The following BMI1 variants were observed in gnomAD, a reference collection of about 807,000 sequenced individuals.
The protein encoded by BMI1 is BMI1 proto-oncogene, polycomb ring finger, also known as polycomb complex protein BMI-1.
Under a neutral mutation model 39.1 loss-of-function variants are expected in BMI1, and 9 were observed. The ratio of observed to expected loss-of-function variants is 0.23; its 90% CI spans 0.14 to 0.40. The LOEUF (loss-of-function observed/expected upper bound fraction) is 0.40. BMI1 is among the 10% of genes least tolerant of loss of function. BMI1 has a pLI of 1.00. For missense variants in BMI1, 252 were observed against 390.8 expected (o/e 0.64, Z 2.99); for synonymous variants, 131 against 127.9 (o/e 1.02, Z -0.16).
In BMI1 at chr10:22,329,554, G is replaced by C; in HGVS notation, c.*12G>C. 6.2e-7 allele frequency: 1 copy of C among 1,604,832 alleles called. No individual in the cohort carries two copies. The highest frequency in any genetic ancestry group is 8.5e-7 in the Non-Finnish European group (1 of 1,175,670). ...CTTCTTCTGGTTGATACCTGAGACTGTTAAGGAAAAAAATTTTAAACCCCT... is the reference window on the plus strand; with the variant it reads ...CTTCTTCTGGTTGATACCTGAGACTCTTAAGGAAAAAAATTTTAAACCCCT... On this transcript the variant is annotated 3_prime_UTR_variant, in exon 10 of 10. Transcript: ENST00000376663.
chr10:22,322,902 TAGAG>T (rs1588617919), intron 1 of BMI1, among the ~76,000 whole-genome samples: 1 of 152,224 alleles, frequency 6.6e-6, no homozygotes, highest in African/African-American at 2.4e-5. Context: ...AGTAAACAAG[TAGAG>T]AGACTTTGAT....
At chr10:22,331,594 A>G (rs981174940), downstream of BMI1, 3 of 152,316 alleles carry the variant, frequency 2.0e-5, no homozygotes, top group Non-Finnish European at 4.4e-5. Context: ...GATCATTTGT[A>G]TAAAGAATGA....
At chr10:22,327,561 G>A in intron 3 of BMI1, 34 bp from the exon 4 acceptor site, 1 of 1,561,918 alleles carries the variant, frequency 6.4e-7, no homozygotes, top group Non-Finnish European at 8.7e-7. Context: ...CTTGCCATCT[G>A]AATTCATAGT....
At chr10:22,328,447 T>C (rs1836207756) in intron 7 of BMI1, among the ~76,000 whole-genome samples, 153 bp from the exon 8 acceptor site, 2 of 152,140 alleles carry the variant, frequency 1.3e-5, no homozygotes, top group Admixed American at 6.5e-5. Flanking sequence ...TTAGTATTTG[T>C]AATGATAGTA....
rs1043903253 is a variant in BMI1 at position 22,329,645 on chromosome 10, A to G, written c.*103A>G. 63 of 1,376,904 alleles carry G rather than the reference A, an allele frequency of 4.6e-5. No individual in the cohort carries two copies. Among genetic ancestry groups the G allele is most frequent in the Non-Finnish European group, 5.7e-5 (59 of 1,029,216 alleles). 85.3% of individuals were successfully genotyped at this position (1,376,904 alleles called of 1,614,324 possible). ...TGCTAATACATGTGACTATCGTCCA[A>G]TTTGCTTTCTTTTGTAGTGACATTA... On this transcript the variant is annotated 3_prime_UTR_variant, in exon 10 of 10. Transcript: ENST00000376663.
chr10:22,326,651 G>C, intron 2 of BMI1, 90 bp downstream of exon 2: 1 of 1,543,204 alleles, frequency 6.5e-7, no homozygotes, highest in Non-Finnish European at 8.7e-7. Flanking sequence ...CCTGCAATCT[G>C]TGGAAATGTT....
At chr10:22,326,223 C>T in intron 1 of BMI1, 1 of 589,082 alleles carries the variant, frequency 1.7e-6, no homozygotes, top group Non-Finnish European at 2.8e-6. Flanking sequence ...TCTGAGAGAC[C>T]AGAAGTAATG....
chr10:22,326,200 C>T (rs1588619914), intron 1 of BMI1: 1 of 442,770 alleles, frequency 2.3e-6, no homozygotes, highest in South Asian at 2.6e-5. Flanking sequence ...CTTTCTTCTA[C>T]CTACAGGAAT....
chr10:22,324,962 C>G (rs943166996), intron 1 of BMI1, among the ~76,000 whole-genome samples: 8 of 152,138 alleles, frequency 5.3e-5, no homozygotes, highest in African/African-American at 1.9e-4. Flanking sequence ...ATTTGTTTTT[C>G]TCTCCTGTCG....
At chr10:22,327,196 AT>A (rs35900791) in intron 3 of BMI1, among the ~76,000 whole-genome samples, 5 of 151,630 alleles carry the variant, frequency 3.3e-5, no homozygotes, top group East Asian at 1.9e-4. Context: ...TGATTTTAAG[AT>A]TTTTTTTTCC....
In BMI1 at chr10:22,330,512, T is replaced by G. The variant is rs1041127657; in HGVS notation, c.*970T>G. 6.6e-6 allele frequency: 1 copy of G among 152,216 alleles called. No individual in the cohort carries two copies. The highest frequency in any genetic ancestry group is 1.5e-5 in the Non-Finnish European group (1 of 68,004). 9.4% of individuals were successfully genotyped at this position (152,216 alleles called of 1,614,324 possible). On this transcript the variant is annotated 3_prime_UTR_variant, in exon 10 of 10. Transcript: ENST00000376663. ...CAGTAATACATGTTTACTTTAAAGATTGTTGCAGTGAAGAAAAACCTTTAA... is the reference window on the plus strand; with the variant it reads ...CAGTAATACATGTTTACTTTAAAGAGTGTTGCAGTGAAGAAAAACCTTTAA...
intron 1 of BMI1, among the ~76,000 whole-genome samples, chr10:22,322,353 G>C (rs1328888287): frequency 1.3e-5 from 2 of 152,216 alleles, no homozygotes; most frequent in African/African-American, 4.8e-5. Flanking sequence ...AGGCTGGAGA[G>C]AGCCCCGACG....
chr10:22,321,348 G>T lies in BMI1; in HGVS notation c.-368G>T. The T allele has an allele frequency of 6.5e-6, 1 of 154,954 alleles. No homozygotes were observed. The highest frequency in any genetic ancestry group is 1.7e-4 in the South Asian group (1 of 5,718). 9.6% of individuals were successfully genotyped at this position (154,954 alleles called of 1,614,324 possible). ...AAAACCGATCGCGCCCCCTCCGCGC[G>T]CGCCCTCCCCCGAGTGCGGAGCGGG... On this transcript the variant is annotated 5_prime_UTR_variant, in exon 1 of 10. Transcript: ENST00000376663.
In BMI1 at chr10:22,329,895, T is replaced by C. The variant is rs1219551909; in HGVS notation, c.*353T>C. On this transcript the variant is annotated 3_prime_UTR_variant, in exon 10 of 10. Coordinates refer to ENST00000376663, the MANE Select transcript of BMI1 (RefSeq NM_005180.9). ...TTGTTAATCTCAACTAACGCCTACA[T>C]TACATTCTCCTTGATCGTTCTTGTT... 1 of 206,066 alleles carries C rather than the reference T, an allele frequency of 4.9e-6. No homozygotes were observed. Among genetic ancestry groups the C allele is most frequent in the African/African-American group, 2.3e-5 (1 of 42,976 alleles). 12.8% of individuals were successfully genotyped at this position (206,066 alleles called of 1,614,324 possible).
chr10:22,323,920 A>G (rs1288854761), intron 1 of BMI1, among the ~76,000 whole-genome samples: 1 of 152,248 alleles, frequency 6.6e-6, no homozygotes, highest in South Asian at 2.1e-4. Flanking sequence ...CAAAGGGCAT[A>G]AAAACATAAC....
At chr10:22,325,788 C>T (rs2132003688) in intron 1 of BMI1, 1 of 152,170 alleles carries the variant, frequency 6.6e-6, no homozygotes, top group African/African-American at 2.4e-5. Context: ...AGACGGAGCC[C>T]CGGGCGCCGC....
intron 5 of BMI1, 26 bp downstream of exon 5, chr10:22,327,818 A>G: frequency 6.2e-7 from 1 of 1,612,972 alleles, no homozygotes; most frequent in Non-Finnish European, 8.5e-7. Flanking sequence ...GAGGGAAGAC[A>G]TTTTATATGG....
chr10:22,325,111 T>A (rs2132002318), intron 1 of BMI1, among the ~76,000 whole-genome samples: 1 of 152,368 alleles, frequency 6.6e-6, no homozygotes, highest in South Asian at 2.1e-4. Context: ...ACACTGGGCT[T>A]TGCCCTCTCC....
chr10:22,323,851 T>G (rs1407280944), intron 1 of BMI1, among the ~76,000 whole-genome samples: 2 of 152,222 alleles, frequency 1.3e-5, no homozygotes, highest in Non-Finnish European at 2.9e-5. Context: ...AGATTGTTTC[T>G]CAAATCTTAT....
Sources: allele counts gnomAD v4.1 joint callset (sites outside exome capture counted in the v4.1 genomes callset), GRCh38; gene constraint gnomAD v4.1.1; transcripts MANE v1.5; gene names NCBI Gene and HGNC (gene_info 2026-07-23, HGNC 2026-07-21).